The following FOXP1 variants were observed in gnomAD, a reference collection of about 807,000 sequenced individuals.
FOXP1 encodes the protein forkhead box P1.
A neutral mutation model predicts 98.2 loss-of-function variants in FOXP1; 15 were observed. The ratio of observed to expected loss-of-function variants is 0.15; its 90% CI spans 0.10 to 0.24. FOXP1 has a LOEUF of 0.24. FOXP1 is among the 10% of genes least tolerant of loss of function. The pLI is 1.00. For synonymous variants in FOXP1, 371 were observed against 314.5 expected, an observed-to-expected ratio of 1.18 and a Z score of -1.90; for missense variants, 633 against 848.5, an observed-to-expected ratio of 0.75 and a Z score of 3.15.
chr3:71,446,057 GT>G (rs1458364715), intron 3 of FOXP1, among the ~76,000 whole-genome samples: 5 of 151,390 alleles, frequency 3.3e-5, no homozygotes, highest in African/African-American at 1.2e-4. Context: ...GAGTGAGTGA[GT>G]GAGTGAGTGA....
At chr3:70,963,770 TA>T (rs1261257249) in intron 20 of FOXP1, among the ~76,000 whole-genome samples, 1 of 152,192 alleles carries the variant, frequency 6.6e-6, no homozygotes, top group Non-Finnish European at 1.5e-5. Context: ...CCTATCAGGA[TA>T]AAAGTAGAAT....
At chr3:71,232,893 A>AAAAAAAAAAAAAAAAAAAAAAAAAC (rs2066430794) in intron 5 of FOXP1, among the ~76,000 whole-genome samples, 1 of 147,530 alleles carries the variant, frequency 6.8e-6, no homozygotes, top group Admixed American at 6.8e-5. Flanking sequence ...AAAAAAAAAA[A>AAAAAAAAAAAAAAAAAAAAAAAAAC]AAAGCAAGAA....
At chr3:71,024,217 G>A (rs1210543386) in intron 11 of FOXP1, among the ~76,000 whole-genome samples, 2 of 152,146 alleles carry the variant, frequency 1.3e-5, no homozygotes, top group African/African-American at 2.4e-5. Context: ...GGCCGCATGC[G>A]TTTCCCTGGC....
chr3:71,525,721 T>G (rs1202762320), intron 2 of FOXP1, among the ~76,000 whole-genome samples: 1 of 152,228 alleles, frequency 6.6e-6, no homozygotes, highest in Non-Finnish European at 1.5e-5. Flanking sequence ...TGGCAAGTGA[T>G]TTTCTAATTA....
intron 3 of FOXP1, among the ~76,000 whole-genome samples, chr3:71,481,075 T>C (rs1196415145): frequency 1.3e-5 from 2 of 152,156 alleles, no homozygotes; most frequent in East Asian, 1.9e-4. Context: ...TACATATATA[T>C]ACAAAAAAGT....
chr3:71,429,631 T>C (rs1469030360), intron 3 of FOXP1, among the ~76,000 whole-genome samples: 1 of 152,186 alleles, frequency 6.6e-6, no homozygotes, highest in African/African-American at 2.4e-5. Flanking sequence ...AATGTTAGAC[T>C]GATTGTATAA....
At chr3:71,385,246 T>C (rs2080480307) in intron 3 of FOXP1, among the ~76,000 whole-genome samples, 1 of 152,206 alleles carries the variant, frequency 6.6e-6, no homozygotes, top group Non-Finnish European at 1.5e-5. Context: ...CTGACCACAC[T>C]GTCAGCCCTT....
intron 5 of FOXP1, among the ~76,000 whole-genome samples, chr3:71,241,389 G>C (rs115383160): frequency 1.3e-5 from 2 of 152,138 alleles, no homozygotes; most frequent in Non-Finnish European, 2.9e-5. Context: ...ACTTAGGGGC[G>C]AGTGGAGAGC....
intron 3 of FOXP1, among the ~76,000 whole-genome samples, chr3:71,408,653 T>C (rs2108259523): frequency 6.6e-6 from 1 of 152,326 alleles, no homozygotes. Context: ...AGTTGGTGGA[T>C]GTTCTGCTCT....
chr3:71,434,134 C>T (rs1003316643), intron 3 of FOXP1, among the ~76,000 whole-genome samples: 3 of 152,180 alleles, frequency 2.0e-5, no homozygotes, highest in Admixed American at 6.5e-5. Context: ...ATTCAAAGTC[C>T]TGACTTTTAA....
intron 3 of FOXP1, among the ~76,000 whole-genome samples, chr3:71,491,079 G>A (rs952858482): frequency 2.6e-5 from 4 of 152,080 alleles, no homozygotes; most frequent in Non-Finnish European, 4.4e-5. Context: ...GCAGTGGCAC[G>A]ATCTCAGCTC....
chr3:71,558,330 A>C (rs1387522633), intron 2 of FOXP1, among the ~76,000 whole-genome samples: 1 of 152,158 alleles, frequency 6.6e-6, no homozygotes, highest in Non-Finnish European at 1.5e-5. Flanking sequence ...ACCCACCCCC[A>C]GAGGTGGACC....
intron 6 of FOXP1, among the ~76,000 whole-genome samples, chr3:71,125,129 T>C (rs1014499428): frequency 6.6e-6 from 1 of 152,234 alleles, no homozygotes; most frequent in Non-Finnish European, 1.5e-5. Context: ...AATGCAGGAA[T>C]GGCTGCCTAA....
intron 4 of FOXP1, among the ~76,000 whole-genome samples, chr3:71,352,092 G>A (rs2077820392): frequency 6.6e-6 from 1 of 152,158 alleles, no homozygotes; most frequent in African/African-American, 2.4e-5. Flanking sequence ...AAAAGTTTAT[G>A]TGAAAACAAA....
In FOXP1 at chr3:70,958,215, G is replaced by T. The variant is rs548648975; in HGVS notation, c.*1032C>A. ...TTGCTGCAAAAAAAAAAAAAGAAAA[G>T]AAAAGAAAAAAAGAAAATCCGAAAC... On this transcript the variant is annotated 3_prime_UTR_variant, in exon 21 of 21. Coordinates refer to ENST00000649528, the MANE Select transcript of FOXP1 (RefSeq NM_001349338.3). 1,642 of 378,712 alleles carry T rather than the reference G, an allele frequency of 4.3e-3. 28 individuals are homozygous for T. Among genetic ancestry groups the T allele is most frequent in the South Asian group, 0.026 (994 of 38,272 alleles). The allele number at this position is 378,712 out of a possible 1,614,324, so 23.5% of individuals were successfully genotyped here.
chr3:71,323,485 GA>G (rs1400794313), intron 4 of FOXP1, among the ~76,000 whole-genome samples: 5 of 151,872 alleles, frequency 3.3e-5, no homozygotes, highest in South Asian at 2.1e-4. Context: ...AATAAGAGAA[GA>G]AAAAAAGAAT....
intron 10 of FOXP1, among the ~76,000 whole-genome samples, chr3:71,045,287 C>T (rs1263274089): frequency 6.6e-6 from 1 of 152,140 alleles, no homozygotes; most frequent in African/African-American, 2.4e-5. Flanking sequence ...GCAGAGATTA[C>T]ACTTCATGCA....
chr3:71,418,305 A>T (rs1269463082), intron 3 of FOXP1, among the ~76,000 whole-genome samples: 6 of 152,216 alleles, frequency 3.9e-5, no homozygotes, highest in Non-Finnish European at 7.3e-5. Flanking sequence ...TCAACTCAAC[A>T]AGATGCATGG....
intron 6 of FOXP1, among the ~76,000 whole-genome samples, chr3:71,194,734 A>G (rs920736295): frequency 6.6e-6 from 1 of 152,254 alleles, no homozygotes; most frequent in African/African-American, 2.4e-5. Context: ...TATCGGGTAA[A>G]GAATTACTCA....
Sources: gnomAD v4.1 joint callset for allele counts (sites outside exome capture counted in the v4.1 genomes callset) on GRCh38, gnomAD v4.1.1 for gene constraint, MANE v1.5 for transcripts, NCBI Gene and HGNC (gene_info 2026-07-23, HGNC 2026-07-21) for gene names.